The following NELL1 variants were observed in gnomAD, a reference collection of about 807,000 sequenced individuals.
NELL1 encodes the protein neural EGFL like 1.
In NELL1, 76 loss-of-function variants were observed where a neutral mutation model predicts 107.4. The observed-to-expected ratio is 0.71, with a 90% CI of 0.59 to 0.86. NELL1 has a LOEUF of 0.86. NELL1 is among the 40% of genes least tolerant of loss of function. The probability of loss-of-function intolerance (pLI) is 0.00; values close to 1 mark genes in which losing one functional copy is unlikely to be tolerated. For synonymous variants in NELL1, 353 were observed against 341.2 expected (o/e 1.03, Z -0.38); for missense variants, 1,024 against 1,005.5 (o/e 1.02, Z -0.25).
chr11:21,053,700 G>C (rs1264856262), intron 12 of NELL1, among the ~76,000 whole-genome samples: 1 of 152,124 alleles, frequency 6.6e-6, no homozygotes, highest in East Asian at 1.9e-4. Flanking sequence ...TCCTGCCACA[G>C]TCTCCATCAG....
At chr11:21,530,541 C>G (rs2133966672) in intron 15 of NELL1, among the ~76,000 whole-genome samples, 1 of 152,104 alleles carries the variant, frequency 6.6e-6, no homozygotes, top group African/African-American at 2.4e-5. Flanking sequence ...ATTCATGGCA[C>G]ACGTAGGACT....
intron 12 of NELL1, among the ~76,000 whole-genome samples, chr11:21,072,984 T>C (rs1308259222): frequency 1.3e-5 from 2 of 152,126 alleles, no homozygotes; most frequent in Admixed American, 1.3e-4. Context: ...AGCTTGCTCT[T>C]TCTTCCTTCA....
At chr11:20,779,100 A>G (rs2133977868) in intron 2 of NELL1, among the ~76,000 whole-genome samples, 1 of 152,316 alleles carries the variant, frequency 6.6e-6, no homozygotes, top group African/African-American at 2.4e-5. Flanking sequence ...AATACTCAGA[A>G]GCAAGTAATC....
intron 14 of NELL1, among the ~76,000 whole-genome samples, chr11:21,325,593 A>AT (rs1565168836): frequency 6.6e-6 from 1 of 151,862 alleles, no homozygotes; most frequent in Non-Finnish European, 1.5e-5. Context: ...GGTCCTTTGC[A>AT]TTTTTTTAAT....
chr11:21,335,264 C>T (rs1590846914), intron 14 of NELL1, among the ~76,000 whole-genome samples: 1 of 151,914 alleles, frequency 6.6e-6, no homozygotes, highest in East Asian at 1.9e-4. Flanking sequence ...ATATTTTTTG[C>T]AGTTACATCA....
At chr11:21,492,080 T>C (rs890668918) in intron 15 of NELL1, among the ~76,000 whole-genome samples, 60 of 151,912 alleles carry the variant, frequency 3.9e-4, no homozygotes, top group East Asian at 5.8e-4. Context: ...AAAAAGTGGG[T>C]GAAGGAAATG....
chr11:20,891,810 T>G (rs1849621993), intron 5 of NELL1, among the ~76,000 whole-genome samples: 1 of 152,152 alleles, frequency 6.6e-6, no homozygotes, highest in South Asian at 2.1e-4. Context: ...CAAGAAGAGA[T>G]AACTATCCTA....
intron 15 of NELL1, among the ~76,000 whole-genome samples, chr11:21,397,115 T>C (rs780995620): frequency 3.3e-5 from 5 of 151,718 alleles, no homozygotes; most frequent in Non-Finnish European, 7.4e-5. Context: ...TGTATCACTT[T>C]CTTTACAAAA....
rs1420510915 is a variant in NELL1 at position 21,390,540 on chromosome 11, T to TACACACACACACACACAC, written c.1645+19592_1645+19593insACACACACACACACACAC. ...ACACACACACACACACACACACACG[T>TACACACACACACACACAC]GCGCACGCACCCAAACACTTCCCAT... On this transcript the variant is annotated intron_variant, in intron 15 of 19. Transcript: ENST00000357134. Among the ~76,000 whole-genome samples the TACACACACACACACACAC allele has an allele frequency of 1.9e-4, 28 of 145,268 alleles. No individual in the cohort carries two copies. The South Asian group carries it at 4.4e-3, about 23-fold the overall frequency.
intron 2 of NELL1, among the ~76,000 whole-genome samples, chr11:20,749,237 G>T (rs181634780): frequency 6.6e-6 from 1 of 152,092 alleles, no homozygotes; most frequent in African/African-American, 2.4e-5. Context: ...TATGGCGGGC[G>T]AGAAATTACT....
intron 12 of NELL1, among the ~76,000 whole-genome samples, chr11:21,089,344 A>G (rs531706785): frequency 6.6e-6 from 1 of 152,232 alleles, no homozygotes; most frequent in South Asian, 2.1e-4. Flanking sequence ...CTTGAAATTC[A>G]TCCAAACATT....
chr11:20,971,232 A>AT (rs1215041410), intron 12 of NELL1, among the ~76,000 whole-genome samples: 3 of 152,048 alleles, frequency 2.0e-5, no homozygotes, highest in African/African-American at 7.2e-5. Flanking sequence ...ATGCTGAGAC[A>AT]TTTTTTTGGC....
rs575253370 is a variant in NELL1, at chr11:21,242,783, C to G, written c.1549+13329C>G. ...TAAAGACAGTTGCTTTTTATCTAAGCCTCTGATGCTGCCAGTTTTAAGGAA... is the reference window on the plus strand; with the variant it reads ...TAAAGACAGTTGCTTTTTATCTAAGGCTCTGATGCTGCCAGTTTTAAGGAA... On this transcript the variant is annotated intron_variant, in intron 14 of 19. Transcript: ENST00000357134. 2.0e-5 allele frequency among the ~76,000 whole-genome samples: 3 copies of G among 152,218 alleles called. No individual in the cohort carries two copies. In the East Asian group the frequency reaches 5.8e-4, roughly 29 times the overall value.
chr11:20,961,144 C>T (rs1284151939), intron 12 of NELL1, among the ~76,000 whole-genome samples: 2 of 152,138 alleles, frequency 1.3e-5, no homozygotes, highest in Non-Finnish European at 2.9e-5. Context: ...CCTCAAGCAT[C>T]AATGACCCAC....
intron 12 of NELL1, among the ~76,000 whole-genome samples, chr11:21,035,804 T>C (rs547433488): frequency 6.6e-6 from 1 of 152,266 alleles, no homozygotes; most frequent in African/African-American, 2.4e-5. Flanking sequence ...GCTGGAAGCA[T>C]TTCCCTTGAA....
chr11:21,277,557 C>G (rs1848895697), intron 14 of NELL1, among the ~76,000 whole-genome samples: 1 of 151,952 alleles, frequency 6.6e-6, no homozygotes, highest in South Asian at 2.1e-4. Flanking sequence ...GGGTATATAC[C>G]CAAAGGATTA....
intron 15 of NELL1, among the ~76,000 whole-genome samples, chr11:21,423,513 G>A (rs1407236658): frequency 1.3e-5 from 2 of 151,838 alleles, no homozygotes; most frequent in Non-Finnish European, 2.9e-5. Flanking sequence ...GAAGAAATAG[G>A]TATTTCTAAA....
intron 12 of NELL1, among the ~76,000 whole-genome samples, chr11:20,968,895 C>T (rs1244464639): frequency 6.6e-6 from 1 of 152,050 alleles, no homozygotes; most frequent in Non-Finnish European, 1.5e-5. Flanking sequence ...CTGGCCAGAA[C>T]TCAGATGGTG....
rs1850757722 is a variant in NELL1, at chr11:20,937,777, T to G, written c.998-9T>G. Reference sequence around the variant, plus strand: ...GGACTGTCTGACCCATTTTTATGTTTTATTACAGCAAAATGTATCTATGGA... The same window carrying G: ...GGACTGTCTGACCCATTTTTATGTTGTATTACAGCAAAATGTATCTATGGA... On this transcript the variant is annotated splice_polypyrimidine_tract_variant and intron_variant, in intron 9 of 19. Transcript: ENST00000357134. 6.2e-7 allele frequency: 1 copy of G among 1,613,154 alleles called. No homozygotes were observed. The highest frequency in any genetic ancestry group is 8.5e-7 in the Non-Finnish European group (1 of 1,179,128).
Sources: gnomAD v4.1 joint callset for allele counts (sites outside exome capture counted in the v4.1 genomes callset) on GRCh38, gnomAD v4.1.1 for gene constraint, MANE v1.5 for transcripts, NCBI Gene and HGNC (gene_info 2026-07-23, HGNC 2026-07-21) for gene names.